The following HECTD4 variants were observed in gnomAD, a reference collection of about 807,000 sequenced individuals.
HECTD4 encodes HECT domain E3 ubiquitin protein ligase 4, also known as probable E3 ubiquitin-protein ligase HECTD4.
In HECTD4, 114 loss-of-function variants were observed where a neutral mutation model predicts 471.5. The observed-to-expected ratio is 0.24, with a 90% CI of 0.21 to 0.28. The LOEUF (loss-of-function observed/expected upper bound fraction) is 0.28. Ranked by LOEUF, HECTD4 falls within the 10% of genes least tolerant of loss-of-function variation. The pLI is 1.00. For missense variants in HECTD4, 3,866 were observed against 5,651.5 expected (o/e 0.68, Z 10.13); for synonymous variants, 2,012 against 2,256.0 (o/e 0.89, Z 3.07).
Position 112,163,810 on chromosome 12 carries a change from G to T in HECTD4, c.12702-73C>A. On this transcript the variant is annotated intron_variant, in intron 73 of 75. Transcript: ENST00000682272. The surrounding 1 kb of genome is among the most constrained non-coding windows in gnomAD (Gnocchi z 8.2). ...TGGGTCTGGGGGCCACACCCACTCA[G>T]CTGGAGGTCCCGGATCCTCTCTTGG... 7.7e-7 allele frequency: 1 copy of T among 1,297,768 alleles called. No individual in the cohort carries two copies. The highest frequency in any genetic ancestry group is 1.0e-6 in the Non-Finnish European group (1 of 985,018). The allele number at this position is 1,297,768 out of a possible 1,614,324, so 80.4% of individuals were successfully genotyped here.
intron 52 of HECTD4, among the ~76,000 whole-genome samples, chr12:112,206,434 G>T (rs1031510379): frequency 3.3e-5 from 5 of 152,038 alleles, no homozygotes; most frequent in South Asian, 4.2e-4. Context: ...GTTTGAGGCT[G>T]CAATGAGCTA....
rs11066255 is a variant in HECTD4, at chr12:112,313,009, T to C, written c.916+8A>G. The stretch of plus-strand genomic sequence containing the variant: ...CTATTAATCACAGGACAAAAACTTT[T>C]ACATTACCTTTATTTTCAGAACTGG... On this transcript the variant is annotated splice_region_variant and intron_variant, in intron 4 of 75. Coordinates refer to ENST00000682272, the MANE Select transcript of HECTD4 (RefSeq NM_001388303.1). The C allele has an allele frequency of 0.034, 52,083 of 1,534,456 alleles. 10,154 individuals carry two copies. In the East Asian group the frequency reaches 0.64, roughly 19 times the overall value.
At chr12:112,249,825 A>G (rs890127742) in intron 25 of HECTD4, 1 of 360,478 alleles carries the variant, frequency 2.8e-6, no homozygotes, top group Non-Finnish European at 5.2e-6. Flanking sequence ...GTCACACTTT[A>G]GCATGCATCA....
In HECTD4 at chr12:112,239,248, T is replaced by C; in HGVS notation, c.5106-12A>G. The C allele has an allele frequency of 6.2e-7, 1 of 1,605,198 alleles. No homozygotes were observed. The highest frequency in any genetic ancestry group is 8.5e-7 in the Non-Finnish European group (1 of 1,175,614). On this transcript the variant is annotated splice_polypyrimidine_tract_variant and intron_variant, in intron 33 of 75. Coordinates refer to ENST00000682272, the MANE Select transcript of HECTD4 (RefSeq NM_001388303.1). This position sits in a 1 kb window ranked among gnomAD's most constrained non-coding sequence, Gnocchi z 4.9. ...ACTTCTCTTCGCTCCTGACAAAGGG[T>C]CATGGATTACACTAGATAAACGTAA...
chr12:112,381,578 T>C lies in HECTD4; in HGVS notation c.177+374A>G, dbSNP rs1016918770. ...TTCCCAAAGCTAAGCAACCTGGGTG[T>C]GCCCTGGAAGTGGGTCCTGGGGGCC... On this transcript the variant is annotated intron_variant, in intron 1 of 75. Transcript: ENST00000682272. This position sits in a 1 kb window ranked among gnomAD's most constrained non-coding sequence, Gnocchi z 4.1. 1.3e-5 allele frequency among the ~76,000 whole-genome samples: 2 copies of C among 149,268 alleles called. No individual in the cohort carries two copies. The highest frequency in any genetic ancestry group is 4.9e-5 in the African/African-American group (2 of 40,768).
intron 47 of HECTD4, 52 bp downstream of exon 47, chr12:112,216,721 C>T: frequency 6.3e-7 from 1 of 1,595,314 alleles, no homozygotes; most frequent in Non-Finnish European, 8.6e-7. Context: ...CCTATACACA[C>T]CTTGTGGGAG....
At chr12:112,334,786 G>T (rs1451924428) in intron 1 of HECTD4, among the ~76,000 whole-genome samples, 2 of 149,718 alleles carry the variant, frequency 1.3e-5, no homozygotes, top group Non-Finnish European at 3.0e-5. Context: ...GTCCAGCCTG[G>T]GTGACAAGAG....
At chr12:112,331,824 A>C (rs1346352887) in intron 1 of HECTD4, among the ~76,000 whole-genome samples, 1 of 152,218 alleles carries the variant, frequency 6.6e-6, no homozygotes, top group Non-Finnish European at 1.5e-5. Context: ...GCAATCTTAG[A>C]ATGCATCAGT....
intron 1 of HECTD4, among the ~76,000 whole-genome samples, chr12:112,374,819 G>A (rs546970993): frequency 6.6e-6 from 1 of 152,300 alleles, no homozygotes; most frequent in Non-Finnish European, 1.5e-5. Flanking sequence ...GATTTCAGCT[G>A]ATCAACTTCA....
chr12:112,270,565 T>C, intron 11 of HECTD4, 106 bp from the exon 12 acceptor site: 1 of 927,414 alleles, frequency 1.1e-6, no homozygotes, highest in Non-Finnish European at 1.7e-6. Context: ...GAAAAGGATA[T>C]TTTGGCTATA....
intron 9 of HECTD4, among the ~76,000 whole-genome samples, chr12:112,276,493 G>A (rs745461722): frequency 1.3e-5 from 2 of 152,110 alleles, no homozygotes; most frequent in East Asian, 1.9e-4. Flanking sequence ...CTGTCGCCAG[G>A]CTGGAGTGCA....
At chr12:112,170,751 ATG>A in intron 68 of HECTD4, 1 of 477,794 alleles carries the variant, frequency 2.1e-6, no homozygotes, top group Admixed American at 3.5e-5. Flanking sequence ...GTGTGCACAC[ATG>A]TGTCTGTTTA....
rs1439180687 is a variant in HECTD4, at chr12:112,167,404, C to T, written c.12447G>A (p.Lys4149=). The T allele has an allele frequency of 1.2e-6, 2 of 1,613,764 alleles. No homozygotes were observed. The highest frequency in any genetic ancestry group is 2.2e-5 in the East Asian group (1 of 44,902). The part of the protein sequence containing the change: ...LPLDLLPSFW[K]TLVGEPLDPE... Reference sequence around the variant, plus strand: ...GGTCCAAGGGCTCGCCCACCAGCGTCTTCCAGAAGGAGGGCAGGAGGTCCA... The same window carrying T: ...GGTCCAAGGGCTCGCCCACCAGCGTTTTCCAGAAGGAGGGCAGGAGGTCCA... Residue 4149 remains lysine (K), a synonymous_variant, in exon 72 of 76, where the codon AAG becomes AAA. Transcript: ENST00000682272.
rs1348655500 is a variant in HECTD4 at position 112,213,776 on chromosome 12, T to A, written c.7466-1126A>T. 6.7e-6 allele frequency among the ~76,000 whole-genome samples: 1 copy of A among 148,874 alleles called. No homozygotes were observed. The highest frequency in any genetic ancestry group is 1.5e-5 in the Non-Finnish European group (1 of 67,180). On this transcript the variant is annotated intron_variant, in intron 48 of 75. Transcript: ENST00000682272. The surrounding 1 kb of genome is among the most constrained non-coding windows in gnomAD (Gnocchi z 4.0). ...ATGGTTCATGCCTGTAATCCCAGCA[T>A]TTTGGGAGGCCAAGGTGGGAAGATT...
rs943083042 is a variant in HECTD4 at position 112,179,933 on chromosome 12, A to G, written c.10988-536T>C. Among the ~76,000 whole-genome samples, 1 of 152,234 alleles carries G rather than the reference A, an allele frequency of 6.6e-6. No homozygotes were observed. Among genetic ancestry groups the G allele is most frequent in the Non-Finnish European group, 1.5e-5 (1 of 68,020 alleles). On this transcript the variant is annotated intron_variant, in intron 62 of 75. Coordinates refer to ENST00000682272, the MANE Select transcript of HECTD4 (RefSeq NM_001388303.1). The surrounding 1 kb of genome is among the most constrained non-coding windows in gnomAD (Gnocchi z 4.3). ...AACTGGCGCAATGAGCAGGTGAAAA[A>G]GAGTTTTCTGAGATACAAAAAAACT...
intron 1 of HECTD4, among the ~76,000 whole-genome samples, chr12:112,375,823 C>T (rs1177470983): frequency 6.6e-6 from 1 of 151,542 alleles, no homozygotes; most frequent in Non-Finnish European, 1.5e-5. Context: ...AATCCCAAAA[C>T]TTTGAGAGGT....
Position 112,193,359 on chromosome 12 carries a change from G to T in HECTD4, c.8955+110C>A. 1 of 1,340,582 alleles carries T rather than the reference G, an allele frequency of 7.5e-7. No homozygotes were observed. The highest frequency in any genetic ancestry group is 1.0e-6 in the Non-Finnish European group (1 of 965,692). The allele number at this position is 1,340,582 out of a possible 1,614,324, so 83.0% of individuals were successfully genotyped here. ...GAAAAGCTTCTAGGAAAAGGAAATC[G>T]AGAGGAATAGGGACTTGGAAGGGAA... On this transcript the variant is annotated intron_variant, in intron 57 of 75. Coordinates refer to ENST00000682272, the MANE Select transcript of HECTD4 (RefSeq NM_001388303.1). This position sits in a 1 kb window ranked among gnomAD's most constrained non-coding sequence, Gnocchi z 5.2.
rs115444663 is a variant in HECTD4, at chr12:112,310,832, G to A, written c.917-1163C>T. 7.5e-3 allele frequency among the ~76,000 whole-genome samples: 1,148 copies of A among 152,246 alleles called. 14 individuals carry two copies. The highest frequency in any genetic ancestry group is 0.025 in the African/African-American group (1,055 of 41,522). On this transcript the variant is annotated intron_variant, in intron 4 of 75. Coordinates refer to ENST00000682272, the MANE Select transcript of HECTD4 (RefSeq NM_001388303.1). ...AAGGCCTTCTGGGTATGGCTCTGTC[G>A]AGGGGCAGAAGTGAAAAGGACAAAC...
intron 1 of HECTD4, among the ~76,000 whole-genome samples, chr12:112,352,351 T>TG: frequency 6.6e-6 from 1 of 151,858 alleles, no homozygotes; most frequent in Middle Eastern, 3.4e-3. Flanking sequence ...TTTTTTTTTT[T>TG]TGAGACAGAG....
Sources: gnomAD v4.1 joint callset for allele counts (sites outside exome capture counted in the v4.1 genomes callset) on GRCh38, gnomAD v4.1.1 for gene constraint, Gnocchi (gnomAD v3.1) non-coding constraint, MANE v1.5 for transcripts, NCBI Gene and HGNC (gene_info 2026-07-23, HGNC 2026-07-21) for gene names.